The following ADAMTS19 variants were observed in gnomAD, a reference collection of about 807,000 sequenced individuals.
ADAMTS19 encodes the protein A disintegrin and metalloproteinase with thrombospondin motifs 19.
Under a neutral mutation model 153.3 loss-of-function variants are expected in ADAMTS19, and 93 were observed. The ratio of observed to expected loss-of-function variants is 0.61; its 90% CI spans 0.51 to 0.72. The LOEUF is 0.72. Among genes scored for constraint, ADAMTS19 ranks in the 30% least tolerant of loss-of-function variants. The pLI is 0.00. For synonymous variants in ADAMTS19, 600 were observed against 556.6 expected (o/e 1.08, Z -1.10); for missense variants, 1,482 against 1,552.1 (o/e 0.95, Z 0.76).
At chr5:129,477,290 TAAATTA>T (rs951902382) in intron 2 of ADAMTS19, among the ~76,000 whole-genome samples, 1 of 152,200 alleles carries the variant, frequency 6.6e-6, no homozygotes, top group African/African-American at 2.4e-5. Context: ...GATAAAACAG[TAAATTA>T]AAGAAATAGA....
intron 17 of ADAMTS19, 39 bp from the exon 18 acceptor site, chr5:129,684,081 G>T (rs1382112872): frequency 6.3e-7 from 1 of 1,583,750 alleles, no homozygotes; most frequent in East Asian, 2.2e-5. Flanking sequence ...ACGTGCTCTA[G>T]TTTGACCCAT....
intron 19 of ADAMTS19, 141 bp from the exon 20 acceptor site, chr5:129,701,247 A>G: frequency 1.1e-6 from 1 of 898,366 alleles, no homozygotes; most frequent in Non-Finnish European, 1.7e-6. Context: ...CCCCAGCCAC[A>G]TGGAACTGTG....
chr5:129,641,171 T>C (rs748389770), intron 10 of ADAMTS19, among the ~76,000 whole-genome samples: 4 of 152,180 alleles, frequency 2.6e-5, no homozygotes, highest in African/African-American at 9.7e-5. Context: ...CTGTCTAAGG[T>C]TTTTGACAAT....
chr5:129,649,720 A>T (rs2127044736), intron 13 of ADAMTS19, among the ~76,000 whole-genome samples: 1 of 152,314 alleles, frequency 6.6e-6, no homozygotes, highest in South Asian at 2.1e-4. Context: ...TACAAATGCC[A>T]GTTTCCTGGG....
chr5:129,705,326 A>T (rs1346373191), intron 21 of ADAMTS19, among the ~76,000 whole-genome samples: 1 of 152,178 alleles, frequency 6.6e-6, no homozygotes. Context: ...ATAACCCTAA[A>T]GGGCTTTCTG....
At chr5:129,658,343 A>AAGAAAGAGAGAGAGAGAGAGAGAGAGAG (rs1259612364) in intron 14 of ADAMTS19, among the ~76,000 whole-genome samples, 1 of 112,214 alleles carries the variant, frequency 8.9e-6, no homozygotes, top group African/African-American at 4.1e-5. Context: ...GAAAGAAAGA[A>AAGAAAGAGAGAGAGAGAGAGAGAGAGAG]AGAAAGAAAG....
intron 8 of ADAMTS19, among the ~76,000 whole-genome samples, chr5:129,597,881 A>G (rs527933662): frequency 1.7e-4 from 26 of 149,010 alleles, no homozygotes; most frequent in African/African-American, 6.4e-4. Context: ...CAGCCTGGTG[A>G]CAGAGTGAGT....
chr5:129,723,550 A>G (rs1313507661), intron 21 of ADAMTS19, among the ~76,000 whole-genome samples: 2 of 152,214 alleles, frequency 1.3e-5, no homozygotes, highest in Admixed American at 1.3e-4. Context: ...TGTTTAAATT[A>G]TTGAGAATTA....
intron 7 of ADAMTS19, among the ~76,000 whole-genome samples, chr5:129,574,866 A>G (rs1754045786): frequency 6.6e-6 from 1 of 151,708 alleles, no homozygotes; most frequent in African/African-American, 2.4e-5. Context: ...CTTGAAAAAA[A>G]AAATTAACGT....
chr5:129,562,719 G>A (rs148974412), intron 7 of ADAMTS19, among the ~76,000 whole-genome samples: 282 of 152,144 alleles, frequency 1.9e-3, no homozygotes, highest in Non-Finnish European at 3.1e-3. Flanking sequence ...CTTAAAGCTG[G>A]CAAAGATAAA....
chr5:129,686,259 T>C (rs1404548630), intron 18 of ADAMTS19, among the ~76,000 whole-genome samples: 1 of 152,022 alleles, frequency 6.6e-6, no homozygotes, highest in Non-Finnish European at 1.5e-5. Flanking sequence ...CCTGAGGTTG[T>C]ATGCAAGAGG....
intron 21 of ADAMTS19, among the ~76,000 whole-genome samples, chr5:129,726,363 T>C (rs1757210373): frequency 6.6e-6 from 1 of 152,208 alleles, no homozygotes; most frequent in Non-Finnish European, 1.5e-5. Context: ...AGTTATCTGG[T>C]AAACTCTGTA....
At chr5:129,517,334 T>C (rs1751648216) in intron 3 of ADAMTS19, among the ~76,000 whole-genome samples, 1 of 151,946 alleles carries the variant, frequency 6.6e-6, no homozygotes, top group Non-Finnish European at 1.5e-5. Context: ...TGATATTTCT[T>C]GGTTGATTTT....
intron 21 of ADAMTS19, among the ~76,000 whole-genome samples, chr5:129,730,796 T>G (rs947985416): frequency 6.6e-6 from 1 of 152,162 alleles, no homozygotes; most frequent in Non-Finnish European, 1.5e-5. Flanking sequence ...AAATCTCTCC[T>G]GTCATTCTGA....
rs191360020 is a variant in ADAMTS19, at chr5:129,547,822, C to T, written c.1329-4042C>T. On this transcript the variant is annotated intron_variant, in intron 6 of 22. Transcript: ENST00000274487. ...AAACAGCATGGTACTGCTACCAAAA[C>T]AGACATACAGATCAATGGAACAGAA... 1.4e-4 allele frequency among the ~76,000 whole-genome samples: 21 copies of T among 150,876 alleles called. 1 individual carries two copies. The highest frequency in any genetic ancestry group is 3.4e-3 in the Middle Eastern group (1 of 294).
At chr5:129,485,239 G>A (rs538710343) in intron 2 of ADAMTS19, among the ~76,000 whole-genome samples, 3 of 152,062 alleles carry the variant, frequency 2.0e-5, no homozygotes, top group South Asian at 2.1e-4. Flanking sequence ...AAAACAATGC[G>A]CTACTAAATA....
rs983721592 is a variant in ADAMTS19 at position 129,600,909 on chromosome 5, G to A, written c.1478+4245G>A. 5.3e-5 allele frequency among the ~76,000 whole-genome samples: 8 copies of A among 152,104 alleles called. No homozygotes were observed. In the East Asian group the frequency reaches 1.4e-3, roughly 26 times the overall value. On this transcript the variant is annotated intron_variant, in intron 8 of 22. Coordinates refer to ENST00000274487, the MANE Select transcript of ADAMTS19 (RefSeq NM_133638.6). ...TATTGAGACGGGGTCTCCCTCTGTA[G>A]CCCAGGCTGGAGTGCAGTGGCTCGA...
At chr5:129,654,175 C>T (rs1753437453) in intron 13 of ADAMTS19, 131 bp from the exon 14 acceptor site, 2 of 845,900 alleles carry the variant, frequency 2.4e-6, no homozygotes, top group Non-Finnish European at 3.4e-6. Flanking sequence ...GTTATCTACT[C>T]TAACATTACA....
At chr5:129,562,252 G>A (rs958530783) in intron 7 of ADAMTS19, among the ~76,000 whole-genome samples, 1 of 152,010 alleles carries the variant, frequency 6.6e-6, no homozygotes, top group African/African-American at 2.4e-5. Flanking sequence ...CTTCCTTTTT[G>A]TTACACAAAA....
Sources: gnomAD v4.1 joint callset for allele counts (sites outside exome capture counted in the v4.1 genomes callset) on GRCh38, gnomAD v4.1.1 for gene constraint, MANE v1.5 for transcripts, NCBI Gene and HGNC (gene_info 2026-07-23, HGNC 2026-07-21) for gene names.